Variants in MYO9A observed in about 807,000 individuals in gnomAD.
MYO9A encodes the protein unconventional myosin-IXa.
In MYO9A, 103 loss-of-function variants were observed where a neutral mutation model predicts 293.3. That is an observed-to-expected ratio of 0.35 (90% confidence interval 0.30 to 0.41). MYO9A has a LOEUF of 0.41. Among genes scored for constraint, MYO9A ranks in the 10% least tolerant of loss-of-function variants. MYO9A has a pLI of 1.00. For missense variants in MYO9A, 2,685 were observed against 3,033.0 expected (o/e 0.89, Z 2.69); for synonymous variants, 1,001 against 1,035.7 (o/e 0.97, Z 0.64).
At chr15:71,850,766 A>C (rs889139791) in intron 37 of MYO9A, among the ~76,000 whole-genome samples, 3 of 27,162 alleles carry the variant, frequency 1.1e-4, no homozygotes, top group South Asian at 1.2e-3. Context: ...ACTGTGTCTC[A>C]AAAAAAAAAA....
chr15:71,833,784 T>C (rs2140754155), intron 39 of MYO9A, among the ~76,000 whole-genome samples: 1 of 152,154 alleles, frequency 6.6e-6, no homozygotes, highest in South Asian at 2.1e-4. Context: ...AAATAGACTT[T>C]AAAACAAACC....
chr15:71,975,390 C>CGTGTGTGTGTGT (rs57800508), intron 12 of MYO9A, among the ~76,000 whole-genome samples: 2,532 of 86,662 alleles, frequency 0.029, 451 homozygotes, highest in Middle Eastern at 0.038. Context: ...GTGATTTTAT[C>CGTGTGTGTGTGT]GTGTGTGTGT....
At chr15:72,042,603 C>CAAGG (rs1452488717) in intron 2 of MYO9A, among the ~76,000 whole-genome samples, 2 of 150,194 alleles carry the variant, frequency 1.3e-5, no homozygotes, top group Non-Finnish European at 3.0e-5. Flanking sequence ...AGAAACGAGA[C>CAAGG]AAGGATGTTG....
intron 1 of MYO9A, among the ~76,000 whole-genome samples, chr15:72,054,678 CAAAAAAA>C (rs11284116): frequency 1.6e-5 from 1 of 63,926 alleles, no homozygotes; most frequent in Non-Finnish European, 2.7e-5. Context: ...GACTCTGTCT[CAAAAAAA>C]AAAAAAAAAA....
At chr15:72,117,643 G>T (rs1298122970) in intron 1 of MYO9A, 37 bp downstream of exon 1, 3 of 395,264 alleles carry the variant, frequency 7.6e-6, no homozygotes, top group East Asian at 3.6e-5. Flanking sequence ...GGGCCAGGAC[G>T]GGCTGCAGGG....
chr15:71,901,243 A>G lies in MYO9A; in HGVS notation c.3098T>C (p.Leu1033Ser), dbSNP rs141975138. ...ATGGAGGAAATGCTGCCTACACAGC[A>G]AGACCCTGAACCATCGCTGCAACAA... ...IILLQRWFRV[L>S]LCRQHFLHLR... Residue 1033 changes from leucine to serine, a missense_variant, in exon 23 of 42, where the codon TTG becomes TCG. Coordinates refer to ENST00000356056, the MANE Select transcript of MYO9A (RefSeq NM_006901.4). 4.0e-5 allele frequency: 65 copies of G among 1,613,834 alleles called. No individual in the cohort carries two copies. The highest frequency in any genetic ancestry group is 5.4e-5 in the Non-Finnish European group (64 of 1,179,956).
chr15:72,111,638 A>T (rs1596608094), intron 1 of MYO9A, among the ~76,000 whole-genome samples: 2 of 135,516 alleles, frequency 1.5e-5, no homozygotes, highest in South Asian at 2.4e-4. Flanking sequence ...ATTACCCCCA[A>T]TTTTTTTTTT....
intron 26 of MYO9A, chr15:71,890,176 G>C (rs1409314956): frequency 6.6e-6 from 1 of 152,182 alleles, no homozygotes; most frequent in African/African-American, 2.4e-5. Context: ...GGCAGTCTAT[G>C]GAGTAGACAT....
intron 1 of MYO9A, among the ~76,000 whole-genome samples, chr15:72,070,234 G>A (rs182122040): frequency 1.3e-5 from 2 of 151,420 alleles, no homozygotes; most frequent in Non-Finnish European, 1.5e-5. Flanking sequence ...CTGAGGCCAC[G>A]AGTTCGAGAC....
rs141081470 is a variant in MYO9A, at chr15:71,949,026, A to G, written c.2302+2751T>C. ...CCTCCATTATTTTTACTGAGAAGTC[A>G]AGTGTTAATTATCTCATTATTCCCC... On this transcript the variant is annotated intron_variant, in intron 15 of 41. Coordinates refer to ENST00000356056, the MANE Select transcript of MYO9A (RefSeq NM_006901.4). 3.0e-3 allele frequency among the ~76,000 whole-genome samples: 459 copies of G among 152,222 alleles called. 3 individuals are homozygous for G. Among genetic ancestry groups the G allele is most frequent in the Admixed American group, 5.6e-3 (86 of 15,264 alleles).
chr15:72,046,291 T>C lies in MYO9A; in HGVS notation c.273A>G (p.Arg91=). 1 of 1,614,112 alleles carries C rather than the reference T, an allele frequency of 6.2e-7. No homozygotes were observed. The highest frequency in any genetic ancestry group is 8.5e-7 in the Non-Finnish European group (1 of 1,179,972). The part of the protein sequence containing the change: ...CPVQRMMLWP[R]MALENRLSGE... Reference sequence around the variant, plus strand: ...CACTTAAGCGATTTTCCAGAGCCATTCGGGGCCACAGCATCATTCGCTGAA... The same window carrying C: ...CACTTAAGCGATTTTCCAGAGCCATCCGGGGCCACAGCATCATTCGCTGAA... Residue 91 remains arginine (R), a synonymous_variant, in exon 2 of 42, where the codon CGA becomes CGG. Coordinates refer to ENST00000356056, the MANE Select transcript of MYO9A (RefSeq NM_006901.4).
chr15:72,083,149 C>A (rs1382418544), intron 1 of MYO9A, among the ~76,000 whole-genome samples: 1 of 152,046 alleles, frequency 6.6e-6, no homozygotes, highest in African/African-American at 2.4e-5. Context: ...CCATCTGGTC[C>A]TGGGCTTTTT....
In MYO9A at chr15:71,960,115, A is replaced by C; in HGVS notation, c.1987-19T>G. 2 of 1,609,262 alleles carry C rather than the reference A, an allele frequency of 1.2e-6. No homozygotes were observed. The highest frequency in any genetic ancestry group is 1.7e-6 in the Non-Finnish European group (2 of 1,176,904). On this transcript the variant is annotated intron_variant, in intron 13 of 41. Transcript: ENST00000356056. ...GGAAATCCTATATGAAAAAAGTACCAGTGTTACTTATGGGAAAAAAAAATT... is the reference window on the plus strand; with the variant it reads ...GGAAATCCTATATGAAAAAAGTACCCGTGTTACTTATGGGAAAAAAAAATT...
chr15:71,934,960 A>C (rs2058594481), intron 17 of MYO9A, among the ~76,000 whole-genome samples: 1 of 151,638 alleles, frequency 6.6e-6, no homozygotes, highest in African/African-American at 2.4e-5. Flanking sequence ...TTCTTGCCTA[A>C]TTTGTTAAGA....
chr15:72,034,137 C>G (rs373971704), intron 2 of MYO9A, among the ~76,000 whole-genome samples: 1 of 152,188 alleles, frequency 6.6e-6, no homozygotes, highest in East Asian at 1.9e-4. Context: ...CTCAAGTAGT[C>G]GTACTCAACT....
chr15:71,904,510 G>A (rs1180372970), intron 20 of MYO9A, among the ~76,000 whole-genome samples: 4 of 152,050 alleles, frequency 2.6e-5, no homozygotes, highest in South Asian at 2.1e-4. Flanking sequence ...AAAATTAGCC[G>A]GGCGTGGTGG....
At chr15:72,101,730 G>A (rs1282079594) in intron 1 of MYO9A, among the ~76,000 whole-genome samples, 3 of 142,868 alleles carry the variant, frequency 2.1e-5, no homozygotes, top group Admixed American at 7.0e-5. Flanking sequence ...CCCCGTCTGG[G>A]AGGTGAGGGG....
intron 18 of MYO9A, among the ~76,000 whole-genome samples, chr15:71,930,801 T>C (rs2058453658): frequency 6.6e-6 from 1 of 152,202 alleles, no homozygotes; most frequent in Non-Finnish European, 1.5e-5. Flanking sequence ...CTTTGTGGTT[T>C]GATGGTTTTC....
At chr15:72,015,415 C>A (rs2077302055) in intron 6 of MYO9A, among the ~76,000 whole-genome samples, 1 of 152,146 alleles carries the variant, frequency 6.6e-6, no homozygotes, top group African/African-American at 2.4e-5. Flanking sequence ...AGGAGGTCTA[C>A]CTCATAGGAA....
Sources: gnomAD v4.1 joint callset for allele counts (sites outside exome capture counted in the v4.1 genomes callset) on GRCh38, gnomAD v4.1.1 for gene constraint, MANE v1.5 for transcripts, NCBI Gene and HGNC (gene_info 2026-07-23, HGNC 2026-07-21) for gene names.